The following ZFAND2A variants were observed in gnomAD, a reference collection of about 807,000 sequenced individuals.
The protein encoded by ZFAND2A is AN1-type zinc finger protein 2A.
ZFAND2A carries 20 observed loss-of-function variants against 11.6 expected under a neutral mutation model. The observed-to-expected ratio is 1.72, with a 90% CI of 1.21 to 2.50. The LOEUF (loss-of-function observed/expected upper bound fraction) is 2.50, where lower values mean the gene tolerates loss of function less well. Ranked by LOEUF, ZFAND2A falls within the 30% of genes most tolerant of loss-of-function variation. The pLI, the probability that ZFAND2A is intolerant of heterozygous loss-of-function variation, is 0.00. For missense variants in ZFAND2A, 234 were observed against 182.9 expected (o/e 1.28, Z -1.61); for synonymous variants, 93 against 60.6 (o/e 1.54, Z -2.48).
In ZFAND2A at chr7:1,157,513, C is replaced by T. The variant is rs113156438; in HGVS notation, c.150+143G>A. The T allele has an allele frequency of 2.3e-3, 1,752 of 763,162 alleles. 7 individuals carry two copies. The highest frequency in any genetic ancestry group is 3.0e-3 in the South Asian group (170 of 56,406). The allele number at this position is 763,162 out of a possible 1,614,324, so 47.3% of individuals were successfully genotyped here. On this transcript the variant is annotated intron_variant, in intron 3 of 4. Coordinates refer to ENST00000316495, the MANE Select transcript of ZFAND2A (RefSeq NM_182491.4). ...ACTGCCTAACAGCAGGCACCTGAAA[C>T]GAGGCTAGTGGGACTGAAAAACTGG...
downstream of ZFAND2A, among the ~76,000 whole-genome samples, chr7:1,151,141 G>A (rs1258063145): frequency 6.6e-6 from 1 of 152,040 alleles, no homozygotes; most frequent in Non-Finnish European, 1.5e-5. Context: ...GCCTGCCTCC[G>A]CCTCCCAAAG....
chr7:1,152,328 C>G, downstream of ZFAND2A: 2 of 1,577,048 alleles, frequency 1.3e-6, no homozygotes, highest in Non-Finnish European at 1.7e-6. Flanking sequence ...GATTCAGAGA[C>G]TGTCATGGGT....
At chr7:1,153,563 G>C (rs1390515618) in intron 4 of ZFAND2A, among the ~76,000 whole-genome samples, 1 of 152,146 alleles carries the variant, frequency 6.6e-6, no homozygotes, top group Admixed American at 6.5e-5. Context: ...ACAGCCTCCG[G>C]TAAGAACATT....
intron 1 of ZFAND2A, among the ~76,000 whole-genome samples, 166 bp from the exon 2 acceptor site, chr7:1,158,423 T>A: frequency 6.6e-6 from 1 of 152,184 alleles, no homozygotes; most frequent in East Asian, 1.9e-4. Flanking sequence ...GTCAACCCCA[T>A]TAAGAGACAC....
At chr7:1,155,652 A>C in intron 3 of ZFAND2A, 68 bp from the exon 4 acceptor site, 4 of 1,578,594 alleles carry the variant, frequency 2.5e-6, no homozygotes, top group Non-Finnish European at 3.4e-6. Context: ...GTTTTAAACG[A>C]GTACTCCTGT....
chr7:1,152,251 G>A (rs1397369906), downstream of ZFAND2A: 2 of 1,573,052 alleles, frequency 1.3e-6, no homozygotes, highest in South Asian at 1.2e-5. Flanking sequence ...TGAGCCGGGT[G>A]AACCAGTACC....
At chr7:1,150,902 T>TTTTTTTC (rs1457637386), downstream of ZFAND2A, among the ~76,000 whole-genome samples, 5,347 of 141,826 alleles carry the variant, frequency 0.038, 201 homozygotes, top group African/African-American at 0.13. Context: ...TTTTTTTTTT[T>TTTTTTTC]TTTGAGATTC....
downstream of ZFAND2A, among the ~76,000 whole-genome samples, chr7:1,149,654 A>C (rs1329590502): frequency 6.6e-6 from 1 of 152,180 alleles, no homozygotes; most frequent in East Asian, 1.9e-4. Flanking sequence ...GGCCTCCTCC[A>C]CACCCAGGCT....
Position 1,153,135 on chromosome 7 carries a change from G to T in ZFAND2A, c.372C>A (p.Ile124=), listed in dbSNP as rs1335835276. Residue 124 remains isoleucine, a synonymous_variant, in exon 5 of 5, where the codon ATC becomes ATA. Coordinates refer to ENST00000316495, the MANE Select transcript of ZFAND2A (RefSeq NM_182491.4). ...TGTGGTCCAAAGGGTGTCTGTGCTGGATACAGAAGTTGCCGTGACATTGGG... is the reference window on the plus strand; with the variant it reads ...TGTGGTCCAAAGGGTGTCTGTGCTGTATACAGAAGTTGCCGTGACATTGGG... The part of the protein sequence containing the change: ...VCAQCHGNFC[I]QHRHPLDHSC... 1.2e-6 allele frequency: 2 copies of T among 1,614,102 alleles called. No individual in the cohort carries two copies. Among genetic ancestry groups the T allele is most frequent in the East Asian group, 2.2e-5 (1 of 44,902 alleles).
At chr7:1,157,921 C>T (rs553898512) in intron 2 of ZFAND2A, among the ~76,000 whole-genome samples, 171 bp from the exon 3 acceptor site, 1 of 152,274 alleles carries the variant, frequency 6.6e-6, no homozygotes, top group Non-Finnish European at 1.5e-5. Context: ...CTAGAGACCC[C>T]CTATGGCATC....
chr7:1,153,101 G>C lies in ZFAND2A; in HGVS notation c.406C>G (p.His136Asp), dbSNP rs1216099384. Reference sequence around the variant, plus strand: ...GCTTTGATGGTGGGGCGACTCCCGTGTCTGCAGCTGTGGTCCAAAGGGTGT... The same window carrying C: ...GCTTTGATGGTGGGGCGACTCCCGTCTCTGCAGCTGTGGTCCAAAGGGTGT... ...HRHPLDHSCRHGSRPTIKAG is the reference protein window; with the variant it reads ...HRHPLDHSCRDGSRPTIKAG The change falls in exon 5 of 5, where the codon CAC becomes GAC. Residue 136 changes from histidine to aspartate, a missense_variant. Coordinates refer to ENST00000316495, the MANE Select transcript of ZFAND2A (RefSeq NM_182491.4). 1 of 1,614,102 alleles carries C rather than the reference G, an allele frequency of 6.2e-7. No homozygotes were observed. The highest frequency in any genetic ancestry group is 1.7e-5 in the Admixed American group (1 of 60,008).
downstream of ZFAND2A, among the ~76,000 whole-genome samples, chr7:1,150,585 G>GGTGGAAAGAT (rs796217630): frequency 6.6e-5 from 10 of 152,280 alleles, no homozygotes; most frequent in Middle Eastern, 3.4e-3. Flanking sequence ...GAAAGTGTCA[G>GGTGGAAAGAT]GCCACGAAGG....
intron 4 of ZFAND2A, 124 bp downstream of exon 4, chr7:1,155,329 T>C (rs898391999): frequency 7.9e-6 from 11 of 1,400,446 alleles, no homozygotes; most frequent in South Asian, 1.4e-5. Context: ...AACGCAGCGT[T>C]AGGACTCTTC....
At chr7:1,154,183 ATT>A (rs141971953) in intron 4 of ZFAND2A, among the ~76,000 whole-genome samples, 3,855 of 128,756 alleles carry the variant, frequency 0.03, 62 homozygotes, top group African/African-American at 0.036. Context: ...CCCACCGGTC[ATT>A]TTTTTTTTTT....
downstream of ZFAND2A, chr7:1,152,316 T>C: frequency 6.3e-7 from 1 of 1,580,728 alleles, no homozygotes; most frequent in Non-Finnish European, 8.6e-7. Context: ...CCCAACGGCC[T>C]GGATTCAGAG....
intron 3 of ZFAND2A, chr7:1,157,409 T>C: frequency 2.8e-6 from 1 of 356,778 alleles, no homozygotes; most frequent in East Asian, 5.2e-5. Context: ...AGTGACTCCA[T>C]GAGTCCCTGA....
intron 4 of ZFAND2A, among the ~76,000 whole-genome samples, chr7:1,154,270 GGA>G (rs1793469438): frequency 6.6e-6 from 1 of 151,854 alleles, no homozygotes. Flanking sequence ...AAGGCAGTGA[GGA>G]GAGTGGGGAG....
At chr7:1,157,813 A>T (rs1416524831) in intron 2 of ZFAND2A, 63 bp from the exon 3 acceptor site, 12 of 1,284,034 alleles carry the variant, frequency 9.3e-6, no homozygotes, top group Admixed American at 2.5e-5. Flanking sequence ...AGATAGTACT[A>T]TCAAAGTGTT....
intron 1 of ZFAND2A, among the ~76,000 whole-genome samples, chr7:1,158,552 C>T (rs1793588327): frequency 6.6e-6 from 1 of 152,172 alleles, no homozygotes; most frequent in South Asian, 2.1e-4. Context: ...GTGATGATTA[C>T]GACTTTGGTG....
Sources: gnomAD v4.1 joint callset for allele counts (sites outside exome capture counted in the v4.1 genomes callset) on GRCh38, gnomAD v4.1.1 for gene constraint, MANE v1.5 for transcripts, NCBI Gene and HGNC (gene_info 2026-07-23, HGNC 2026-07-21) for gene names.